PPP1R12A: variants seen among roughly 807,000 people sequenced by gnomAD.
PPP1R12A encodes the protein protein phosphatase 1 regulatory subunit 12A.
PPP1R12A carries 19 observed loss-of-function variants against 139.6 expected under a neutral mutation model. That is an observed-to-expected ratio of 0.14 (90% CI 0.09 to 0.20). The LOEUF is 0.20. Among genes scored for constraint, PPP1R12A ranks in the 10% least tolerant of loss-of-function variants. The probability of loss-of-function intolerance (pLI) is 1.00; values close to 1 mark genes in which losing one functional copy is unlikely to be tolerated. For missense variants in PPP1R12A, 925 were observed against 1,211.5 expected (o/e 0.76, Z 3.51); for synonymous variants, 427 against 420.6 (o/e 1.02, Z -0.19).
chr12:79,923,814 G>A (rs1887627674), intron 1 of PPP1R12A, among the ~76,000 whole-genome samples: 1 of 152,028 alleles, frequency 6.6e-6, no homozygotes. Flanking sequence ...AGGCTGAGGC[G>A]AGTGGATCAC....
At chr12:79,794,287 A>C (rs1403341058) in intron 18 of PPP1R12A, among the ~76,000 whole-genome samples, 1 of 152,002 alleles carries the variant, frequency 6.6e-6, no homozygotes, top group African/African-American at 2.4e-5. Flanking sequence ...CTCTCTTTTT[A>C]AACTTTTTTA....
rs747495205 is a variant in PPP1R12A, at chr12:79,806,125, G to C, written c.1823+41C>G. ...AACAAAAACGCATGCACATACATAA[G>C]CACACAGTAGACCTGAGCACAAAAT... On this transcript the variant is annotated intron_variant, in intron 13 of 24. Coordinates refer to ENST00000450142, the MANE Select transcript of PPP1R12A (RefSeq NM_002480.3). 5.0e-6 allele frequency: 8 copies of C among 1,593,784 alleles called. No individual in the cohort carries two copies. In the South Asian group the frequency reaches 9.0e-5, roughly 18 times the overall value.
intron 2 of PPP1R12A, among the ~76,000 whole-genome samples, chr12:79,871,545 TA>T (rs1882567869): frequency 6.6e-6 from 1 of 152,194 alleles, no homozygotes; most frequent in African/African-American, 2.4e-5. Context: ...AATACTACTT[TA>T]TAGAAGAGAA....
At chr12:79,847,785 T>C (rs1266072371) in intron 2 of PPP1R12A, among the ~76,000 whole-genome samples, 1 of 152,160 alleles carries the variant, frequency 6.6e-6, no homozygotes, top group East Asian at 1.9e-4. Flanking sequence ...GATTCTCTGA[T>C]GATTATGTAG....
At chr12:79,806,373 T>C (rs1873835007) in intron 12 of PPP1R12A, 40 bp from the exon 13 acceptor site, 7 of 1,557,986 alleles carry the variant, frequency 4.5e-6, no homozygotes, top group Non-Finnish European at 5.3e-6. Context: ...TGTGTTTGTA[T>C]GTGTATTCTA....
Position 79,790,660 on chromosome 12 carries a change from CTA to C in PPP1R12A, c.2650-179_2650-178del, listed in dbSNP as rs544707193. Among the ~76,000 whole-genome samples the C allele has an allele frequency of 9.9e-5, 15 of 152,188 alleles. No individual in the cohort carries two copies. In the East Asian group the frequency reaches 2.9e-3, roughly 29 times the overall value. On this transcript the variant is annotated intron_variant, in intron 19 of 24. Coordinates refer to ENST00000450142, the MANE Select transcript of PPP1R12A (RefSeq NM_002480.3). ...TGTTTAAAATTTACTTTCTCGAAATCTAGCTATATACCTTTAAGGTCAGCAAT... is the reference window on the plus strand; with the variant it reads ...TGTTTAAAATTTACTTTCTCGAAATCGCTATATACCTTTAAGGTCAGCAAT...
At position 79,797,306 on chromosome 12, in the gene PPP1R12A, T is replaced by A. The variant is rs754762103; in HGVS notation, c.2181A>T (p.Lys727Asn). Reference sequence around the variant, plus strand: ...CTTGTTTCTCTTTTTCCTCTTTTTCTTTTTCTTCATTTTCTTGTTCTCTGG... The same window carrying A: ...CTTGTTTCTCTTTTTCCTCTTTTTCATTTTCTTCATTTTCTTGTTCTCTGG... ...TRTREQENEE[K>N]EKEEKEKQDK... Residue 727 changes from lysine to asparagine, a missense_variant, in exon 16 of 25, where the codon AAA becomes AAT. Transcript: ENST00000450142. 16 of 1,593,182 alleles carry A rather than the reference T, an allele frequency of 1.0e-5. No homozygotes were observed. The highest frequency in any genetic ancestry group is 1.4e-5 in the Non-Finnish European group (16 of 1,168,384).
intron 14 of PPP1R12A, among the ~76,000 whole-genome samples, chr12:79,800,076 T>C (rs1237790519): frequency 1.3e-5 from 2 of 152,166 alleles, no homozygotes; most frequent in Non-Finnish European, 2.9e-5. Flanking sequence ...ATAAAGACTT[T>C]CCTCTGATAA....
intron 2 of PPP1R12A, among the ~76,000 whole-genome samples, chr12:79,862,476 G>C (rs1024970789): frequency 6.6e-6 from 1 of 152,130 alleles, no homozygotes; most frequent in Non-Finnish European, 1.5e-5. Context: ...GTTCGACAAA[G>C]TGACAGAAGT....
chr12:79,839,898 T>C (rs1384612576), intron 3 of PPP1R12A, among the ~76,000 whole-genome samples: 2 of 152,196 alleles, frequency 1.3e-5, no homozygotes, highest in African/African-American at 4.8e-5. Flanking sequence ...CTAATACAAC[T>C]AGAGATATAT....
chr12:79,882,666 G>A (rs1274105966), intron 1 of PPP1R12A, among the ~76,000 whole-genome samples: 1 of 152,188 alleles, frequency 6.6e-6, no homozygotes, highest in African/African-American at 2.4e-5. Flanking sequence ...CTCCAATTCT[G>A]AAAGAAGTTC....
chr12:79,798,258 T>C (rs542807808), intron 15 of PPP1R12A, among the ~76,000 whole-genome samples: 3 of 152,308 alleles, frequency 2.0e-5, no homozygotes, highest in Admixed American at 6.5e-5. Flanking sequence ...AGTAGCAGTG[T>C]AACCATACAA....
chr12:79,890,895 C>CA (rs1884539004), intron 1 of PPP1R12A, among the ~76,000 whole-genome samples: 66 of 104,646 alleles, frequency 6.3e-4, no homozygotes, highest in African/African-American at 2.0e-3. Context: ...CACCACCCAC[C>CA]CACACCCACC....
chr12:79,876,006 T>C lies in PPP1R12A; in HGVS notation c.238-3068A>G, dbSNP rs150685931. 2.5e-3 allele frequency among the ~76,000 whole-genome samples: 387 copies of C among 152,340 alleles called. 2 individuals are homozygous for C. Among genetic ancestry groups the C allele is most frequent in the African/African-American group, 8.9e-3 (371 of 41,582 alleles). On this transcript the variant is annotated intron_variant, in intron 1 of 24. Transcript: ENST00000450142. ...AACAAAAGAGCTTCTTAAATGCCACTTCAACCTAAGAAAGAGCAGTTTGGG... is the reference window on the plus strand; with the variant it reads ...AACAAAAGAGCTTCTTAAATGCCACCTCAACCTAAGAAAGAGCAGTTTGGG...
rs529235549 is a variant in PPP1R12A, at chr12:79,877,602, G to A, written c.238-4664C>T. On this transcript the variant is annotated intron_variant, in intron 1 of 24. Coordinates refer to ENST00000450142, the MANE Select transcript of PPP1R12A (RefSeq NM_002480.3). Reference sequence around the variant, plus strand: ...ACAATCTCGGCTCAATGCAACCTCCGCCTCCCGGGTTCAACCGATCCTCTT... The same window carrying A: ...ACAATCTCGGCTCAATGCAACCTCCACCTCCCGGGTTCAACCGATCCTCTT... Among the ~76,000 whole-genome samples, 13 of 152,178 alleles carry A rather than the reference G, an allele frequency of 8.5e-5. No homozygotes were observed. The South Asian group carries it at 1.5e-3, about 17-fold the overall frequency.
intron 19 of PPP1R12A, among the ~76,000 whole-genome samples, chr12:79,792,523 C>CATT (rs1872011366): frequency 6.6e-6 from 1 of 152,072 alleles, no homozygotes; most frequent in African/African-American, 2.4e-5. Context: ...GAACTCTAAA[C>CATT]AATCTAAAGT....
At chr12:79,803,075 A>T (rs927339735) in intron 14 of PPP1R12A, among the ~76,000 whole-genome samples, 2 of 152,228 alleles carry the variant, frequency 1.3e-5, no homozygotes, top group Admixed American at 1.3e-4. Context: ...TATGAAGGTT[A>T]GGGGGATAAA....
chr12:79,828,196 CA>C, intron 5 of PPP1R12A, 123 bp downstream of exon 5: 1 of 820,770 alleles, frequency 1.2e-6, no homozygotes, highest in Non-Finnish European at 1.7e-6. Flanking sequence ...ATGTTTTATA[CA>C]GTTAATAAAA....
At chr12:79,904,688 T>C (rs1220177354) in intron 1 of PPP1R12A, among the ~76,000 whole-genome samples, 2 of 152,204 alleles carry the variant, frequency 1.3e-5, no homozygotes, top group East Asian at 3.9e-4. Flanking sequence ...TACAATATAA[T>C]GTTTTATTAA....
Sources: gnomAD v4.1 joint callset for allele counts (sites outside exome capture counted in the v4.1 genomes callset) on GRCh38, gnomAD v4.1.1 for gene constraint, MANE v1.5 for transcripts, NCBI Gene and HGNC (gene_info 2026-07-23, HGNC 2026-07-21) for gene names.